Variants in WDR7 observed in about 807,000 individuals in gnomAD.
WDR7 encodes WD repeat domain 7, also known as WD repeat-containing protein 7.
A neutral mutation model predicts 169.4 loss-of-function variants in WDR7; 46 were observed. That is an observed-to-expected ratio of 0.27 (90% confidence interval 0.21 to 0.35). The LOEUF (loss-of-function observed/expected upper bound fraction) is 0.35, where lower values mean the gene tolerates loss of function less well. Among genes scored for constraint, WDR7 ranks in the 10% least tolerant of loss-of-function variants. The pLI is 1.00. For missense variants in WDR7, 1,534 were observed against 1,859.3 expected (o/e 0.83, Z 3.22); for synonymous variants, 612 against 666.8 (o/e 0.92, Z 1.27).
At chr18:56,939,423 A>C in intron 25 of WDR7, 30 bp downstream of exon 25, 1 of 1,489,638 alleles carries the variant, frequency 6.7e-7, no homozygotes, top group Non-Finnish European at 9.0e-7. Flanking sequence ...CATGCAGAAT[A>C]AATAATTTTC....
intron 19 of WDR7, among the ~76,000 whole-genome samples, chr18:56,812,788 G>A (rs918516643): frequency 2.6e-5 from 4 of 152,004 alleles, no homozygotes; most frequent in Non-Finnish European, 4.4e-5. Flanking sequence ...TTTGTTCAGC[G>A]AGGGCCCCCA....
rs1369552916 is a variant in WDR7, at chr18:56,943,956, G to A, written c.4064+4563G>A. On this transcript the variant is annotated intron_variant, in intron 25 of 27. Coordinates refer to ENST00000254442, the MANE Select transcript of WDR7 (RefSeq NM_015285.3). ...TTTTTTCACCTTCACCAGTGGGCTT[G>A]TAGGGTTTTTTTGTATGTTTTGTGG... 7.3e-5 allele frequency among the ~76,000 whole-genome samples: 9 copies of A among 123,742 alleles called. No individual in the cohort carries two copies. In the South Asian group the frequency reaches 2.5e-3, roughly 34 times the overall value. 81.2% of individuals were successfully genotyped at this position (123,742 alleles called of 152,430 possible).
chr18:56,981,411 A>G (rs1352730254), intron 26 of WDR7, among the ~76,000 whole-genome samples: 1 of 152,196 alleles, frequency 6.6e-6, no homozygotes, highest in East Asian at 1.9e-4. Context: ...GAGCACAGAC[A>G]TGTCTGTGCT....
intron 19 of WDR7, among the ~76,000 whole-genome samples, chr18:56,782,680 A>G (rs1807745509): frequency 6.6e-6 from 1 of 152,176 alleles, no homozygotes. Context: ...AATACTCATT[A>G]CACATGTCAA....
intron 19 of WDR7, among the ~76,000 whole-genome samples, chr18:56,802,286 T>C (rs1289359851): frequency 6.6e-6 from 1 of 152,058 alleles, no homozygotes; most frequent in Admixed American, 6.6e-5. Context: ...ACATCTTTTG[T>C]CCAATTTTTC....
chr18:57,036,275 G>C, the WDR7 span: 1 of 152,378 alleles, frequency 6.6e-6, no homozygotes, highest in Non-Finnish European at 1.5e-5. Flanking sequence ...CACTCCCCCA[G>C]GTACTGGGTT....
At chr18:56,992,911 T>C (rs1425318859) in intron 26 of WDR7, among the ~76,000 whole-genome samples, 1 of 152,212 alleles carries the variant, frequency 6.6e-6, no homozygotes, top group African/African-American at 2.4e-5. Flanking sequence ...GGGGCTTGAA[T>C]GAGAGCAGTA....
At chr18:56,661,159 T>C (rs1212673720) in intron 1 of WDR7, among the ~76,000 whole-genome samples, 1 of 152,178 alleles carries the variant, frequency 6.6e-6, no homozygotes, top group Non-Finnish European at 1.5e-5. Context: ...AGTTTAGACT[T>C]TTGATGGCAA....
chr18:56,668,805 T>A (rs1032349491), intron 1 of WDR7, among the ~76,000 whole-genome samples: 1 of 152,140 alleles, frequency 6.6e-6, no homozygotes, highest in African/African-American at 2.4e-5. Flanking sequence ...TGAAAGGTAT[T>A]AACCTGTTGG....
At chr18:56,692,000 A>G (rs960323359) in intron 9 of WDR7, among the ~76,000 whole-genome samples, 183 bp downstream of exon 9, 3 of 152,188 alleles carry the variant, frequency 2.0e-5, no homozygotes, top group Non-Finnish European at 4.4e-5. Context: ...AAAAACATAT[A>G]ATATGCCTAT....
chr18:56,829,102 A>G (rs1034343753), intron 20 of WDR7, among the ~76,000 whole-genome samples: 5 of 145,874 alleles, frequency 3.4e-5, no homozygotes, highest in African/African-American at 1.3e-4. Flanking sequence ...GCGGCAACAT[A>G]GTGAAACTTC....
chr18:56,830,691 G>C (rs1026131524), intron 20 of WDR7, among the ~76,000 whole-genome samples: 3 of 152,180 alleles, frequency 2.0e-5, no homozygotes, highest in Non-Finnish European at 4.4e-5. Context: ...ATCTTTCAGC[G>C]GGTCTGGCTT....
chr18:56,830,158 A>AGTT (rs2045283416), intron 20 of WDR7, among the ~76,000 whole-genome samples: 1 of 152,180 alleles, frequency 6.6e-6, no homozygotes, highest in Non-Finnish European at 1.5e-5. Flanking sequence ...CACACTCTTG[A>AGTT]ATTTTATCAC....
chr18:56,953,684 C>T (rs1036757828), intron 25 of WDR7, among the ~76,000 whole-genome samples: 2 of 152,156 alleles, frequency 1.3e-5, no homozygotes, highest in Admixed American at 1.3e-4. Context: ...ACAGAAGAGA[C>T]CCAGTGCCAT....
At position 56,726,493 on chromosome 18, in the gene WDR7, C is replaced by T. The variant is rs2026458907; in HGVS notation, c.1775-4890C>T. Among the ~76,000 whole-genome samples, 6 of 152,306 alleles carry T rather than the reference C, an allele frequency of 3.9e-5. 1 individual carries two copies. The highest frequency in any genetic ancestry group is 1.4e-4 in the African/African-American group (6 of 41,566). On this transcript the variant is annotated intron_variant, in intron 13 of 27. Coordinates refer to ENST00000254442, the MANE Select transcript of WDR7 (RefSeq NM_015285.3). ...TATAAGAATGCCTGTGATTTTTGCA[C>T]ATTGATTTTGTATCCTGAGACTTTG...
chr18:57,004,557 A>G (rs1423072501), intron 26 of WDR7, among the ~76,000 whole-genome samples: 2 of 152,176 alleles, frequency 1.3e-5, no homozygotes, highest in Non-Finnish European at 2.9e-5. Context: ...AACAAACTTT[A>G]GGACCTCTCA....
chr18:56,830,878 T>C (rs2045296333), intron 20 of WDR7, among the ~76,000 whole-genome samples: 1 of 152,216 alleles, frequency 6.6e-6, no homozygotes, highest in Non-Finnish European at 1.5e-5. Flanking sequence ...AGCTAATTTT[T>C]ATATTTTTAG....
At chr18:56,795,444 G>A (rs889395179) in intron 19 of WDR7, among the ~76,000 whole-genome samples, 8 of 152,128 alleles carry the variant, frequency 5.3e-5, no homozygotes, top group Admixed American at 1.3e-4. Context: ...TTGAATCTTA[G>A]AGTATATAAA....
chr18:56,674,420 G>GT (rs2025200405), intron 2 of WDR7, among the ~76,000 whole-genome samples: 1 of 151,908 alleles, frequency 6.6e-6, no homozygotes, highest in Non-Finnish European at 1.5e-5. Flanking sequence ...CTCATTGGCC[G>GT]TTTGTATATC....
Sources: gnomAD v4.1 joint callset for allele counts (sites outside exome capture counted in the v4.1 genomes callset) on GRCh38, gnomAD v4.1.1 for gene constraint, MANE v1.5 for transcripts, NCBI Gene and HGNC (gene_info 2026-07-23, HGNC 2026-07-21) for gene names.